The following ANO5 variants were observed in gnomAD, a reference collection of about 807,000 sequenced individuals.
The protein encoded by ANO5 is anoctamin-5.
In ANO5, 109 loss-of-function variants were observed where a neutral mutation model predicts 121.0. That is an observed-to-expected ratio of 0.90 (90% CI 0.77 to 1.06). The LOEUF is 1.06. Ranked by LOEUF, ANO5 falls within the 50% of genes least tolerant of loss-of-function variation. The pLI, the probability that ANO5 is intolerant of heterozygous loss-of-function variation, is 0.00. For missense variants in ANO5, 1,064 were observed against 1,078.5 expected, an observed-to-expected ratio of 0.99 and a Z score of 0.19; for synonymous variants, 406 against 359.9, an observed-to-expected ratio of 1.13 and a Z score of -1.45.
chr11:22,200,778 C>T (rs910363850), intron 1 of ANO5, among the ~76,000 whole-genome samples: 2 of 152,110 alleles, frequency 1.3e-5, no homozygotes, highest in Non-Finnish European at 1.5e-5. Context: ...AAATTTGACA[C>T]ATACAAAAAG....
intron 21 of ANO5, among the ~76,000 whole-genome samples, chr11:22,277,018 C>T (rs1854878209): frequency 6.6e-6 from 1 of 151,478 alleles, no homozygotes; most frequent in Non-Finnish European, 1.5e-5. Flanking sequence ...AATATACCTG[C>T]CTACCCTAAA....
chr11:22,203,075 G>A (rs1220677271), intron 1 of ANO5, among the ~76,000 whole-genome samples: 13 of 152,014 alleles, frequency 8.6e-5, no homozygotes, highest in South Asian at 2.1e-4. Context: ...AGTTTCATTC[G>A]CCAGTTTTTC....
intron 1 of ANO5, among the ~76,000 whole-genome samples, chr11:22,197,005 T>G (rs1037810362): frequency 1.2e-4 from 18 of 152,236 alleles, no homozygotes; most frequent in African/African-American, 4.3e-4. Context: ...TGTTTTAAAA[T>G]ATAAGAAGAC....
chr11:22,260,972 C>T (rs1164411213), intron 15 of ANO5, among the ~76,000 whole-genome samples: 2 of 152,160 alleles, frequency 1.3e-5, no homozygotes, highest in East Asian at 3.9e-4. Context: ...TTGCTAATTA[C>T]ATTATTTTCA....
chr11:22,262,233 A>G lies in ANO5; in HGVS notation c.1735A>G (p.Lys579Glu). 6.2e-7 allele frequency: 1 copy of G among 1,613,948 alleles called. No individual in the cohort carries two copies. The highest frequency in any genetic ancestry group is 8.5e-7 in the Non-Finnish European group (1 of 1,179,940). ...ATCCTGCTTCTACGTAGCTTTCTTT[A>G]AAGGGAAGTTCGTAGGCTATCCTGG... Reference protein sequence around the residue: ...YSSCFYVAFFKGKFVGYPGKY... With the variant: ...YSSCFYVAFFEGKFVGYPGKY... The change falls in exon 16 of 22, where the codon AAA becomes GAA. Residue 579 changes from lysine to glutamate, a missense_variant. Coordinates refer to ENST00000324559, the MANE Select transcript of ANO5 (RefSeq NM_213599.3).
Position 22,281,773 on chromosome 11 carries a change from T to A in ANO5, c.*2008T>A, listed in dbSNP as rs544977785. 17 of 152,244 alleles carry A rather than the reference T, an allele frequency of 1.1e-4. No homozygotes were observed. The highest frequency in any genetic ancestry group is 4.1e-4 in the African/African-American group (17 of 41,588). 9.4% of individuals were successfully genotyped at this position (152,244 alleles called of 1,614,324 possible). On this transcript the variant is annotated 3_prime_UTR_variant, in exon 22 of 22. Transcript: ENST00000324559. ...CAAATTTAATTCACAAAGTTATCTGTACACTGCAGTTTTAAAATATACCAA... is the reference window on the plus strand; with the variant it reads ...CAAATTTAATTCACAAAGTTATCTGAACACTGCAGTTTTAAAATATACCAA...
chr11:22,230,410 G>A (rs1281125471), intron 7 of ANO5, among the ~76,000 whole-genome samples: 1 of 151,870 alleles, frequency 6.6e-6, no homozygotes, highest in East Asian at 1.9e-4. Flanking sequence ...TGTAATATAT[G>A]GATTCATGTC....
intron 12 of ANO5, among the ~76,000 whole-genome samples, chr11:22,254,950 C>T (rs1853945345): frequency 6.6e-6 from 1 of 151,942 alleles, no homozygotes; most frequent in African/African-American, 2.4e-5. Flanking sequence ...TGGGGATTGG[C>T]TCTTATGCTT....
At chr11:22,233,296 T>C (rs550117227) in intron 7 of ANO5, among the ~76,000 whole-genome samples, 2 of 116,144 alleles carry the variant, frequency 1.7e-5, no homozygotes, top group Admixed American at 7.3e-5. Flanking sequence ...AAGACCCTTA[T>C]TAGCTTTTTA....
Position 22,227,267 on chromosome 11 carries a change from A to G in ANO5, c.364-35A>G, listed in dbSNP as rs756223312. ...TCAGCTCAATAACAAACTGATCAGT[A>G]AGCTTTCTGCTGTTTTGCCTTTTTT... On this transcript the variant is annotated intron_variant, in intron 6 of 21. Coordinates refer to ENST00000324559, the MANE Select transcript of ANO5 (RefSeq NM_213599.3). 10 of 1,608,450 alleles carry G rather than the reference A, an allele frequency of 6.2e-6. No individual in the cohort carries two copies. In the East Asian group the frequency reaches 2.2e-4, roughly 36 times the overall value.
At chr11:22,206,557 G>T (rs761723660) in intron 2 of ANO5, among the ~76,000 whole-genome samples, 1 of 152,154 alleles carries the variant, frequency 6.6e-6, no homozygotes, top group Non-Finnish European at 1.5e-5. Flanking sequence ...CAAGTGATCC[G>T]CCTACCTTGG....
Position 22,276,981 on chromosome 11 carries a change from G to GA in ANO5, c.2520+789dup, listed in dbSNP as rs543160100. On this transcript the variant is annotated intron_variant, in intron 21 of 21. Coordinates refer to ENST00000324559, the MANE Select transcript of ANO5 (RefSeq NM_213599.3). Reference sequence around the variant, plus strand: ...TTAAAAATCAAATAGTTCTGCATGGGAAAAAAACAAAAGAGCAATCGTACA... The same window carrying GA: ...TTAAAAATCAAATAGTTCTGCATGGGAAAAAAAACAAAAGAGCAATCGTACA... Among the ~76,000 whole-genome samples, 46 of 150,946 alleles carry GA rather than the reference G, an allele frequency of 3.0e-4. No homozygotes were observed. In the South Asian group the frequency reaches 9.4e-3, roughly 31 times the overall value.
chr11:22,243,120 G>C (rs1357556807), intron 9 of ANO5, among the ~76,000 whole-genome samples: 1 of 151,764 alleles, frequency 6.6e-6, no homozygotes, highest in Non-Finnish European at 1.5e-5. Context: ...GAATGGAAAG[G>C]GATGCTGAAT....
intron 9 of ANO5, among the ~76,000 whole-genome samples, chr11:22,244,253 A>G (rs561952284): frequency 6.6e-6 from 1 of 152,160 alleles, no homozygotes; most frequent in Admixed American, 6.6e-5. Flanking sequence ...CTGGCTTGTA[A>G]GATTTCTGCT....
chr11:22,249,568 A>C (rs1480894207), intron 9 of ANO5, among the ~76,000 whole-genome samples: 1 of 152,094 alleles, frequency 6.6e-6, no homozygotes, highest in Admixed American at 6.6e-5. Context: ...TAAGTTAAAA[A>C]CAAAACACTT....
intron 21 of ANO5, among the ~76,000 whole-genome samples, chr11:22,276,491 T>C (rs1451851199): frequency 1.3e-5 from 2 of 151,794 alleles, no homozygotes; most frequent in Non-Finnish European, 3.0e-5. Flanking sequence ...TTTTAGAGAA[T>C]ACCTATTACT....
At chr11:22,192,901 G>A, upstream of ANO5, 1 of 868,202 alleles carries the variant, frequency 1.2e-6, no homozygotes, top group South Asian at 5.3e-5. Flanking sequence ...CGGCAGAGCA[G>A]GGACCTGGGG....
At chr11:22,233,149 A>T (rs1299562691) in intron 7 of ANO5, among the ~76,000 whole-genome samples, 1 of 151,722 alleles carries the variant, frequency 6.6e-6, no homozygotes, top group Non-Finnish European at 1.5e-5. Flanking sequence ...AGAAGTAGTT[A>T]CAGCATGGAG....
chr11:22,276,295 A>C, intron 21 of ANO5, 96 bp downstream of exon 21: 1 of 980,952 alleles, frequency 1.0e-6, no homozygotes. Context: ...GCAATATCTC[A>C]GTAAACTGTC....
Sources: gnomAD v4.1 joint callset for allele counts (sites outside exome capture counted in the v4.1 genomes callset) on GRCh38, gnomAD v4.1.1 for gene constraint, MANE v1.5 for transcripts, NCBI Gene and HGNC (gene_info 2026-07-23, HGNC 2026-07-21) for gene names.